The following SPOP variants were observed in gnomAD, a reference collection of about 807,000 sequenced individuals.
SPOP encodes the protein speckle type BTB/POZ protein, also known as speckle-type POZ protein.
In SPOP, 11 loss-of-function variants were observed where a neutral mutation model predicts 45.6. The observed-to-expected ratio is 0.24, with a 90% CI of 0.15 to 0.40. The LOEUF (loss-of-function observed/expected upper bound fraction) is 0.40, where lower values mean the gene tolerates loss of function less well. Among genes scored for constraint, SPOP ranks in the 10% least tolerant of loss-of-function variants. The pLI is 1.00. For synonymous variants in SPOP, 166 were observed against 166.3 expected (o/e 1.00, Z 0.01); for missense variants, 152 against 465.6 (o/e 0.33, Z 6.20).
chr17:49,625,864 T>C (rs751560942), intron 1 of SPOP, among the ~76,000 whole-genome samples: 24 of 152,168 alleles, frequency 1.6e-4, no homozygotes, highest in Non-Finnish European at 2.5e-4. Context: ...GGGAAAATAA[T>C]GTAAGATGCT....
At chr17:49,605,617 G>A (rs1380640055) in intron 8 of SPOP, among the ~76,000 whole-genome samples, 1 of 152,114 alleles carries the variant, frequency 6.6e-6, no homozygotes, top group Non-Finnish European at 1.5e-5. Flanking sequence ...TTGAACCTGG[G>A]AGGCGGAGGT....
In SPOP at chr17:49,622,781, C is replaced by A. The variant is rs189212134; in HGVS notation, c.30G>T (p.Pro10=). The stretch of plus-strand genomic sequence containing the variant: ...CTACGGGGCCACTCGACATTTCTGC[C>A]GGAGGTGGAGGACTTGGAACCCTTG... MSRVPSPPP[P]AEMSSGPVAE... is the part of the protein sequence containing the mutation. Residue 10 remains proline, a synonymous_variant, in exon 2 of 10, where the codon CCG becomes CCT. Coordinates refer to ENST00000504102, the MANE Select transcript of SPOP (RefSeq NM_001007228.2). The A allele has an allele frequency of 6.2e-7, 1 of 1,614,082 alleles. No individual in the cohort carries two copies. The highest frequency in any genetic ancestry group is 1.1e-5 in the South Asian group (1 of 91,088).
intron 1 of SPOP, among the ~76,000 whole-genome samples, chr17:49,650,875 T>C (rs1363536951): frequency 6.6e-6 from 1 of 152,178 alleles, no homozygotes; most frequent in African/African-American, 2.4e-5. Context: ...GTCTGGTGAA[T>C]AAAGGAATAA....
At chr17:49,658,158 T>G (rs1010889534) in intron 1 of SPOP, among the ~76,000 whole-genome samples, 3 of 152,216 alleles carry the variant, frequency 2.0e-5, no homozygotes, top group African/African-American at 7.2e-5. Context: ...ATATGCTGAA[T>G]TTTTAAAGCA....
rs2071724900 is a variant in SPOP at position 49,600,770 on chromosome 17, TTC to T, written c.981-250_981-249del. The T allele has an allele frequency of 2.1e-6, 1 of 473,300 alleles. No individual in the cohort carries two copies. 29.3% of individuals were successfully genotyped at this position (473,300 alleles called of 1,614,324 possible). On this transcript the variant is annotated intron_variant, in intron 9 of 9. Transcript: ENST00000504102. This position sits in a 1 kb window ranked among gnomAD's most constrained non-coding sequence, Gnocchi z 4.2. ...ATTCTCAAAAACAAAAAGCAGAATG[TTC>T]CCCAGGCCCCCAACACTGCCTATGT...
Position 49,619,480 on chromosome 17 carries a change from AT to A in SPOP, c.201-96del. ...AGAGAGGGAGATGTTTAAAAAACAA[AT>A]GCAGGCCCCATAGAAGAATATAATT... On this transcript the variant is annotated intron_variant, in intron 3 of 9. Coordinates refer to ENST00000504102, the MANE Select transcript of SPOP (RefSeq NM_001007228.2). This position sits in a 1 kb window ranked among gnomAD's most constrained non-coding sequence, Gnocchi z 4.9. 7.5e-7 allele frequency: 1 copy of A among 1,328,048 alleles called. No individual in the cohort carries two copies. Among genetic ancestry groups the A allele is most frequent in the Non-Finnish European group, 1.0e-6 (1 of 982,456 alleles). 82.3% of individuals were successfully genotyped at this position (1,328,048 alleles called of 1,614,324 possible).
chr17:49,674,789 GT>G (rs1490744030), intron 1 of SPOP, among the ~76,000 whole-genome samples: 1 of 152,156 alleles, frequency 6.6e-6, no homozygotes, highest in Non-Finnish European at 1.5e-5. Flanking sequence ...TGGAATATAG[GT>G]TTTTTATGTC....
At chr17:49,624,353 A>ACAC (rs995024656) in intron 1 of SPOP, among the ~76,000 whole-genome samples, 3 of 151,660 alleles carry the variant, frequency 2.0e-5, no homozygotes, top group Non-Finnish European at 4.4e-5. Context: ...ACACACACAC[A>ACAC]CACACACACA....
At chr17:49,671,905 C>T (rs2073140608) in intron 1 of SPOP, among the ~76,000 whole-genome samples, 1 of 152,070 alleles carries the variant, frequency 6.6e-6, no homozygotes, top group Non-Finnish European at 1.5e-5. Flanking sequence ...CTTTGGGAGG[C>T]CGAGGCAGGT....
intron 1 of SPOP, among the ~76,000 whole-genome samples, chr17:49,672,077 T>G (rs548115790): frequency 6.1e-4 from 93 of 152,166 alleles, no homozygotes; most frequent in African/African-American, 2.1e-3. Flanking sequence ...GAGGCAGAGG[T>G]TGCAGTGAGC....
intron 6 of SPOP, among the ~76,000 whole-genome samples, chr17:49,610,514 C>T (rs532807497): frequency 5.5e-4 from 83 of 152,228 alleles, no homozygotes; most frequent in African/African-American, 1.9e-3. Context: ...CCACCGCGCC[C>T]GTGACTTCCT....
rs142849535 is a variant in SPOP at position 49,643,650 on chromosome 17, G to A, written c.-66-20774C>T. Among the ~76,000 whole-genome samples, 317 of 152,304 alleles carry A rather than the reference G, an allele frequency of 2.1e-3. 3 individuals carry two copies. Among genetic ancestry groups the A allele is most frequent in the Admixed American group, 0.014 (208 of 15,296 alleles). On this transcript the variant is annotated intron_variant, in intron 1 of 9. Transcript: ENST00000504102. ...TAGGGAGAAAATATTCTAGAAGAAG[G>A]CCAGGTGTGGTGGCTCACACCTGTA...
intron 1 of SPOP, among the ~76,000 whole-genome samples, chr17:49,666,491 A>C (rs1021693309): frequency 8.5e-5 from 12 of 141,064 alleles, no homozygotes; most frequent in Non-Finnish European, 1.3e-4. Flanking sequence ...ACACACACAC[A>C]CACCCATATA....
In SPOP at chr17:49,611,472, G is replaced by C; in HGVS notation, c.481-15C>G. 1 of 1,611,392 alleles carries C rather than the reference G, an allele frequency of 6.2e-7. No homozygotes were observed. The highest frequency in any genetic ancestry group is 1.7e-5 in the Admixed American group (1 of 59,208). On this transcript the variant is annotated splice_polypyrimidine_tract_variant and intron_variant, in intron 5 of 9. Coordinates refer to ENST00000504102, the MANE Select transcript of SPOP (RefSeq NM_001007228.2). The stretch of plus-strand genomic sequence containing the variant: ...ACAACACTCACCTGTGAAAGACAAG[G>C]AAACACAAGCCAAGCTTTTGTTACC...
At chr17:49,601,587 AAGATAC>A (rs2071740899) in intron 9 of SPOP, 1 of 313,766 alleles carries the variant, frequency 3.2e-6, no homozygotes, top group Admixed American at 4.5e-5. Context: ...GTGTGAAGTA[AAGATAC>A]TATCATTTGG....
intron 1 of SPOP, among the ~76,000 whole-genome samples, chr17:49,624,337 A>G (rs879369742): frequency 0.04 from 4,238 of 106,306 alleles, 87 homozygotes; most frequent in African/African-American, 0.068. Flanking sequence ...GCGCGCACAC[A>G]CACACACACA....
chr17:49,601,679 A>C, intron 9 of SPOP, 186 bp downstream of exon 9: 4 of 674,536 alleles, frequency 5.9e-6, no homozygotes, highest in Non-Finnish European at 9.6e-6. Context: ...CACTTTACTC[A>C]CCAATAGGAT....
intron 1 of SPOP, among the ~76,000 whole-genome samples, chr17:49,638,505 C>T (rs1244375504): frequency 1.3e-5 from 2 of 151,952 alleles, no homozygotes; most frequent in Non-Finnish European, 2.9e-5. Flanking sequence ...AGGAAAATCA[C>T]TTGAACCCCA....
intron 8 of SPOP, among the ~76,000 whole-genome samples, chr17:49,603,588 G>A (rs572737180): frequency 1.6e-3 from 238 of 152,310 alleles, no homozygotes; most frequent in Non-Finnish European, 2.6e-3. Context: ...CATGTCCCCA[G>A]GAGACTGGAA....
Sources: gnomAD v4.1 joint callset for allele counts (sites outside exome capture counted in the v4.1 genomes callset) on GRCh38, gnomAD v4.1.1 for gene constraint, Gnocchi (gnomAD v3.1) non-coding constraint, MANE v1.5 for transcripts, NCBI Gene and HGNC (gene_info 2026-07-23, HGNC 2026-07-21) for gene names.